SMURF2: variants seen among roughly 807,000 people sequenced by gnomAD.
The protein encoded by SMURF2 is E3 ubiquitin-protein ligase SMURF2.
Under a neutral mutation model 109.6 loss-of-function variants are expected in SMURF2, and 48 were observed. That is an observed-to-expected ratio of 0.44 (90% CI 0.35 to 0.56). The LOEUF is 0.56. Ranked by LOEUF, SMURF2 falls within the 20% of genes least tolerant of loss-of-function variation. The probability of loss-of-function intolerance (pLI) is 0.01; values close to 1 mark genes in which losing one functional copy is unlikely to be tolerated. For synonymous variants in SMURF2, 288 were observed against 317.1 expected, an observed-to-expected ratio of 0.91 and a Z score of 0.97; for missense variants, 575 against 909.0, an observed-to-expected ratio of 0.63 and a Z score of 4.72.
At chr17:64,619,552 C>T (rs1295961500) in intron 1 of SMURF2, among the ~76,000 whole-genome samples, 2 of 148,460 alleles carry the variant, frequency 1.3e-5, no homozygotes. Context: ...AAAACAAATA[C>T]CATAGATTAG....
intron 1 of SMURF2, among the ~76,000 whole-genome samples, chr17:64,652,452 C>T (rs1428184764): frequency 6.6e-6 from 1 of 152,086 alleles, no homozygotes; most frequent in Non-Finnish European, 1.5e-5. Flanking sequence ...ACAGGAGAGT[C>T]CAGAAATAGA....
chr17:64,559,035 CTA>C (rs1174780167), intron 12 of SMURF2, among the ~76,000 whole-genome samples: 1 of 152,108 alleles, frequency 6.6e-6, no homozygotes, highest in Non-Finnish European at 1.5e-5. Context: ...AAAAACTACT[CTA>C]GAGATTAAAA....
intron 1 of SMURF2, among the ~76,000 whole-genome samples, chr17:64,631,820 C>T (rs1212829101): frequency 8.5e-5 from 13 of 152,138 alleles, no homozygotes; most frequent in African/African-American, 2.9e-4. Flanking sequence ...TGCTTATGCA[C>T]GTTATATGGA....
chr17:64,610,523 C>G (rs1170486341), intron 1 of SMURF2, among the ~76,000 whole-genome samples: 2 of 152,110 alleles, frequency 1.3e-5, no homozygotes, highest in East Asian at 3.9e-4. Context: ...AACCAAACAC[C>G]ACATGTTCTC....
At chr17:64,590,458 A>C (rs1329000629) in intron 5 of SMURF2, among the ~76,000 whole-genome samples, 2 of 151,938 alleles carry the variant, frequency 1.3e-5, no homozygotes, top group Non-Finnish European at 2.9e-5. Flanking sequence ...TTTCTTCTTT[A>C]ATTTAAGAAG....
intron 1 of SMURF2, among the ~76,000 whole-genome samples, chr17:64,628,449 T>C (rs1970295339): frequency 6.6e-6 from 1 of 152,166 alleles, no homozygotes. Flanking sequence ...AAGAGTCAAA[T>C]CCTGTCAGGA....
At chr17:64,598,562 T>C in intron 2 of SMURF2, 72 bp from the exon 3 acceptor site, 1 of 1,253,468 alleles carries the variant, frequency 8.0e-7, no homozygotes, top group Non-Finnish European at 1.1e-6. Flanking sequence ...AAGCATTCCA[T>C]TTGCTACAAA....
intron 3 of SMURF2, 130 bp from the exon 4 acceptor site, chr17:64,593,703 G>T: frequency 4.4e-6 from 3 of 679,572 alleles, no homozygotes; most frequent in Non-Finnish European, 6.7e-6. Flanking sequence ...TGCAAAATAT[G>T]TCTTGAGTTA....
At chr17:64,568,724 G>A (rs781976006) in intron 10 of SMURF2, among the ~76,000 whole-genome samples, 43 of 152,110 alleles carry the variant, frequency 2.8e-4, no homozygotes, top group Non-Finnish European at 4.0e-4. Flanking sequence ...AACCCAGGCC[G>A]GGCACAACGG....
rs782745739 is a variant in SMURF2 at position 64,578,522 on chromosome 17, A to G, written c.827T>C (p.Val276Ala). The G allele has an allele frequency of 1.2e-6, 2 of 1,613,916 alleles. No homozygotes were observed. Among genetic ancestry groups the G allele is most frequent in the South Asian group, 1.1e-5 (1 of 91,080 alleles). ...QVYFLHTQTG[V>A]STWHDPRVPR... The stretch of plus-strand genomic sequence containing the variant: ...CACTCTTGGATCATGCCATGTGCTC[A>G]CACCAGTCTGTGTATGTAAGAAATA... The change falls in exon 9 of 19, where the codon GTG becomes GCG. Residue 276 changes from valine to alanine, a missense_variant. Val to Ala is a moderately conservative substitution (Grantham distance 64). Around this residue, in one of 5 missense-constraint regions of SMURF2, gnomAD observed 361 missense variants for 612.1 expected, o/e 0.59. Transcript: ENST00000262435.
intron 3 of SMURF2, among the ~76,000 whole-genome samples, chr17:64,595,142 T>C (rs1555687991): frequency 1.3e-5 from 2 of 152,230 alleles, no homozygotes; most frequent in African/African-American, 2.4e-5. Flanking sequence ...CAATGTGCCA[T>C]ATTTTTTATG....
chr17:64,607,540 C>T (rs1056666872), intron 1 of SMURF2, among the ~76,000 whole-genome samples: 2 of 151,090 alleles, frequency 1.3e-5, no homozygotes, highest in African/African-American at 2.4e-5. Context: ...GCAGAAGAAT[C>T]GCTTGAACCC....
rs568275273 is a variant in SMURF2, at chr17:64,608,852, C to T, written c.53-2212G>A. Reference sequence around the variant, plus strand: ...GTTATACATATCCTCTATCTTGTCCCCTTTTCTAATCACCTTGTCAACATT... The same window carrying T: ...GTTATACATATCCTCTATCTTGTCCTCTTTTCTAATCACCTTGTCAACATT... On this transcript the variant is annotated intron_variant, in intron 1 of 18. Transcript: ENST00000262435. Among the ~76,000 whole-genome samples, 23 of 152,234 alleles carry T rather than the reference C, an allele frequency of 1.5e-4. 1 individual carries two copies. Among genetic ancestry groups the T allele is most frequent in the African/African-American group, 5.3e-4 (22 of 41,558 alleles).
intron 7 of SMURF2, 46 bp downstream of exon 7, chr17:64,583,415 G>A: frequency 2.0e-6 from 3 of 1,479,562 alleles, no homozygotes; most frequent in Non-Finnish European, 2.8e-6. Flanking sequence ...AGGACTTCAG[G>A]AGGGTGGCTG....
At position 64,583,562 on chromosome 17, in the gene SMURF2, A is replaced by G; in HGVS notation, c.486-18T>C. Reference sequence around the variant, plus strand: ...CTTCCCAGCTTAAATAAAAATATTGAGTGATAAGGCATTAATAGGAAACTT... The same window carrying G: ...CTTCCCAGCTTAAATAAAAATATTGGGTGATAAGGCATTAATAGGAAACTT... On this transcript the variant is annotated intron_variant, in intron 6 of 18. Transcript: ENST00000262435. 6.3e-7 allele frequency: 1 copy of G among 1,594,434 alleles called. No homozygotes were observed. The highest frequency in any genetic ancestry group is 8.6e-7 in the Non-Finnish European group (1 of 1,162,200).
At chr17:64,577,653 T>C (rs991637339) in intron 9 of SMURF2, among the ~76,000 whole-genome samples, 7 of 151,006 alleles carry the variant, frequency 4.6e-5, no homozygotes, top group Admixed American at 1.3e-4. Context: ...TGGAGTGCTG[T>C]AGCACGACCA....
chr17:64,626,596 C>T (rs1298736728), intron 1 of SMURF2, among the ~76,000 whole-genome samples: 2 of 152,032 alleles, frequency 1.3e-5, no homozygotes, highest in African/African-American at 2.4e-5. Flanking sequence ...AATCCCATCT[C>T]TACTAAAAAT....
intron 1 of SMURF2, among the ~76,000 whole-genome samples, chr17:64,620,965 A>G (rs937819827): frequency 1.3e-5 from 2 of 152,182 alleles, no homozygotes; most frequent in East Asian, 1.9e-4. Context: ...TTAACTATTC[A>G]TAAGTACTCT....
At position 64,554,942 on chromosome 17, in the gene SMURF2, A is replaced by G; in HGVS notation, c.1662T>C (p.Asn554=). The change falls in exon 15 of 19, where the codon AAT becomes AAC. Residue 554 remains asparagine (N), a synonymous_variant. Transcript: ENST00000262435. ...VLDHTFCVEH[N]AYGEIIQHEL... is the part of the protein sequence containing the mutation. ...CATGCTGAATAATTTCACCATATGC[A>G]TTATGTTCAACACAGAAGGTATGGT... 6.2e-7 allele frequency: 1 copy of G among 1,613,334 alleles called. No homozygotes were observed. The highest frequency in any genetic ancestry group is 1.1e-5 in the South Asian group (1 of 91,054).
Sources: allele counts gnomAD v4.1 joint callset (sites outside exome capture counted in the v4.1 genomes callset), GRCh38; gene constraint gnomAD v4.1.1; regional missense constraint gnomAD v4.1.1; transcripts MANE v1.5; gene names NCBI Gene and HGNC (gene_info 2026-07-23, HGNC 2026-07-21).